The following RAD51B variants were observed in gnomAD, a reference collection of about 807,000 sequenced individuals.
RAD51B encodes the protein DNA repair protein RAD51 homolog 2.
RAD51B carries 38 observed loss-of-function variants against 42.2 expected under a neutral mutation model. The observed-to-expected ratio is 0.90, with a 90% confidence interval of 0.70 to 1.18. RAD51B has a LOEUF of 1.18. Ranked by LOEUF, RAD51B falls within the 50% of genes most tolerant of loss-of-function variation. The probability of loss-of-function intolerance (pLI) is 0.00; values close to 1 mark genes in which losing one functional copy is unlikely to be tolerated. For synonymous variants in RAD51B, 154 were observed against 145.2 expected (o/e 1.06, Z -0.43); for missense variants, 373 against 400.7 (o/e 0.93, Z 0.59).
In RAD51B at chr14:68,335,575, G is replaced by A. The variant is rs61986869; in HGVS notation, c.853+43595G>A. On this transcript the variant is annotated intron_variant, in intron 8 of 10. Transcript: ENST00000471583. The stretch of plus-strand genomic sequence containing the variant: ...GCTTGGTGAAGGCAGTGCTGATAAG[G>A]TCTGACAATGTGGGGAGTGGTAGAA... Among the ~76,000 whole-genome samples, 202 of 152,282 alleles carry A rather than the reference G, an allele frequency of 1.3e-3. 1 individual carries two copies. The highest frequency in any genetic ancestry group is 0.01 in the Middle Eastern group (3 of 294).
chr14:68,647,009 G>A (rs536980399), intron 10 of RAD51B, among the ~76,000 whole-genome samples: 18 of 152,264 alleles, frequency 1.2e-4, no homozygotes, highest in Middle Eastern at 3.4e-3. Flanking sequence ...TCTTCTGTGG[G>A]TCAGATATAT....
At chr14:68,546,823 G>A (rs1888260170) in intron 10 of RAD51B, among the ~76,000 whole-genome samples, 1 of 152,124 alleles carries the variant, frequency 6.6e-6, no homozygotes, top group South Asian at 2.1e-4. Context: ...AGTGGGAATG[G>A]GAGCTGTTAT....
chr14:68,253,366 G>A lies in RAD51B; in HGVS notation c.757-38518G>A, dbSNP rs116642748. ...TTGGAAAAATTTTTCTGTATGTTGT[G>A]TTTTGTCTTTTGTGAATGTTTGTTT... On this transcript the variant is annotated intron_variant, in intron 7 of 10. Coordinates refer to ENST00000471583, the MANE Select transcript of RAD51B (RefSeq NM_133510.4). Among the ~76,000 whole-genome samples the A allele has an allele frequency of 9.2e-3, 1,403 of 151,724 alleles. 26 individuals carry two copies. The highest frequency in any genetic ancestry group is 0.032 in the African/African-American group (1,327 of 41,340).
intron 7 of RAD51B, among the ~76,000 whole-genome samples, chr14:68,096,425 G>T (rs17104908): frequency 2.0e-5 from 3 of 152,034 alleles, no homozygotes; most frequent in Non-Finnish European, 4.4e-5. Flanking sequence ...AAGTCGTACC[G>T]TCCAAGAGCT....
intron 10 of RAD51B, among the ~76,000 whole-genome samples, chr14:68,617,522 C>A (rs1452521272): frequency 2.6e-5 from 4 of 152,196 alleles, no homozygotes; most frequent in African/African-American, 9.7e-5. Flanking sequence ...GGCACTTGTG[C>A]AGATTTCTGG....
chr14:68,300,863 C>T (rs2081718073), intron 8 of RAD51B, among the ~76,000 whole-genome samples: 1 of 152,210 alleles, frequency 6.6e-6, no homozygotes, highest in South Asian at 2.1e-4. Flanking sequence ...ATGATCTATC[C>T]ACTGCTTGAG....
chr14:68,252,005 A>G (rs960163637), intron 7 of RAD51B, among the ~76,000 whole-genome samples: 22 of 152,174 alleles, frequency 1.4e-4, no homozygotes, highest in Non-Finnish European at 2.8e-4. Flanking sequence ...TTTAATTGAG[A>G]TTTAAGAGGA....
intron 7 of RAD51B, among the ~76,000 whole-genome samples, chr14:68,273,731 A>G (rs1173997314): frequency 6.6e-6 from 1 of 151,966 alleles, no homozygotes; most frequent in Non-Finnish European, 1.5e-5. Flanking sequence ...TGTCATACAG[A>G]GCTGGAGTAT....
intron 10 of RAD51B, among the ~76,000 whole-genome samples, chr14:68,556,035 C>T (rs532938848): frequency 6.6e-6 from 1 of 152,254 alleles, no homozygotes; most frequent in African/African-American, 2.4e-5. Flanking sequence ...AGAAGGGAAT[C>T]GGCACAGTGA....
chr14:68,411,363 C>G, intron 8 of RAD51B, 61 bp from the exon 9 acceptor site: 2 of 1,397,254 alleles, frequency 1.4e-6, no homozygotes, highest in Admixed American at 3.4e-5. Flanking sequence ...GTCTGGACTT[C>G]ATGTGAAATG....
At chr14:68,030,730 C>T (rs895646820) in intron 7 of RAD51B, among the ~76,000 whole-genome samples, 5 of 152,218 alleles carry the variant, frequency 3.3e-5, no homozygotes, top group African/African-American at 1.2e-4. Context: ...TTTGCATTCA[C>T]AGCTTGGCTA....
chr14:68,537,409 G>A (rs71423317), intron 10 of RAD51B, among the ~76,000 whole-genome samples: 27,991 of 151,736 alleles, frequency 0.18, 3,299 homozygotes, highest in Non-Finnish European at 0.27. Context: ...TGAGGCAGGA[G>A]AGTGGCATGA....
At position 68,350,529 on chromosome 14, in the gene RAD51B, G is replaced by T. The variant is rs180883724; in HGVS notation, c.853+58549G>T. 1.1e-4 allele frequency among the ~76,000 whole-genome samples: 16 copies of T among 152,340 alleles called. No homozygotes were observed. In the East Asian group the frequency reaches 2.9e-3, roughly 28 times the overall value. On this transcript the variant is annotated intron_variant, in intron 8 of 10. Coordinates refer to ENST00000471583, the MANE Select transcript of RAD51B (RefSeq NM_133510.4). The stretch of plus-strand genomic sequence containing the variant: ...CTGGTGAAGCATCTTTCTTCAGAGT[G>T]CCTCCCTTCCCCGAGTCTTAGCATA...
intron 10 of RAD51B, among the ~76,000 whole-genome samples, chr14:68,566,082 C>T (rs1001333398): frequency 5.3e-5 from 8 of 152,238 alleles, no homozygotes; most frequent in African/African-American, 1.7e-4. Context: ...TCTTCACCCT[C>T]TCTCCTGATT....
intron 10 of RAD51B, among the ~76,000 whole-genome samples, chr14:68,513,271 A>C (rs1440897217): frequency 6.6e-6 from 1 of 152,240 alleles, no homozygotes; most frequent in African/African-American, 2.4e-5. Flanking sequence ...GCTGCACCTC[A>C]TGGGTGGTGC....
chr14:68,515,842 G>T (rs1053734183), intron 10 of RAD51B, among the ~76,000 whole-genome samples: 1 of 147,682 alleles, frequency 6.8e-6, no homozygotes, highest in African/African-American at 2.5e-5. Context: ...CTGGAGTGCA[G>T]TGGCATGATC....
chr14:68,609,339 C>T (rs1220440802), intron 10 of RAD51B, among the ~76,000 whole-genome samples: 1 of 152,116 alleles, frequency 6.6e-6, no homozygotes, highest in Non-Finnish European at 1.5e-5. Flanking sequence ...CCTCAGATGC[C>T]CCAGATCCCC....
At chr14:68,672,573 C>T (rs1193144780) in intron 11 of RAD51B, among the ~76,000 whole-genome samples, 1 of 152,164 alleles carries the variant, frequency 6.6e-6, no homozygotes, top group Non-Finnish European at 1.5e-5. Context: ...GATAATCATT[C>T]CTGAGGCAAA....
intron 10 of RAD51B, among the ~76,000 whole-genome samples, chr14:68,639,397 T>C (rs1376918270): frequency 1.5e-5 from 2 of 135,134 alleles, no homozygotes; most frequent in Admixed American, 1.6e-4. Context: ...GAGGCTTTTA[T>C]GAGCCAGGCA....
Sources: allele counts gnomAD v4.1 joint callset (sites outside exome capture counted in the v4.1 genomes callset), GRCh38; gene constraint gnomAD v4.1.1; transcripts MANE v1.5; gene names NCBI Gene and HGNC (gene_info 2026-07-23, HGNC 2026-07-21).